LRTM3: variants seen among roughly 807,000 people sequenced by gnomAD.
LRTM3 encodes leucine-rich repeat transmembrane protein 3.
At chr13:102,740,457 A>T in the LRTM3 span, 1 of 1,550,054 alleles carries the variant, frequency 6.5e-7, no homozygotes, top group African/African-American at 1.4e-5. Flanking sequence ...TGCAGGAGAC[A>T]GGGATACTTT....
the LRTM3 span, chr13:102,731,466 T>C: frequency 6.4e-7 from 1 of 1,551,500 alleles, no homozygotes; most frequent in Non-Finnish European, 8.7e-7. Flanking sequence ...TTTTTTTCTT[T>C]GGGAGTAAAC....
chr13:102,749,835 C>T, the LRTM3 span: 17 of 1,551,156 alleles, frequency 1.1e-5, no homozygotes, highest in South Asian at 1.4e-4. Flanking sequence ...ATAACCATTC[C>T]AACAGAAGGT....
chr13:102,731,734 A>C, the LRTM3 span: 2 of 1,551,322 alleles, frequency 1.3e-6, no homozygotes. Flanking sequence ...TTTTAACTTG[A>C]GGCGGTATGG....
the LRTM3 span, among the ~76,000 whole-genome samples, chr13:102,753,514 GA>G: frequency 4.4e-3 from 613 of 138,698 alleles, 7 homozygotes; most frequent in African/African-American, 0.013. Flanking sequence ...AAAAAGAAAA[GA>G]AAAAAAAAAG....
At chr13:102,731,672 G>A in the LRTM3 span, 1 of 1,551,180 alleles carries the variant, frequency 6.4e-7, no homozygotes, top group Middle Eastern at 1.7e-4. Context: ...TTCACAAATG[G>A]GAAGTAAATG....
chr13:102,747,364 G>A, the LRTM3 span: 1 of 1,550,102 alleles, frequency 6.5e-7, no homozygotes, highest in Non-Finnish European at 8.7e-7. Flanking sequence ...TTTTCCTGTG[G>A]TTTGAAGTAC....
the LRTM3 span, chr13:102,742,593 CT>C: frequency 6.4e-7 from 1 of 1,550,480 alleles, no homozygotes; most frequent in Non-Finnish European, 8.7e-7. Context: ...TCAACTTCTG[CT>C]TCTGTCTTCT....
the LRTM3 span, chr13:102,730,586 C>T: frequency 1.2e-5 from 19 of 1,551,960 alleles, no homozygotes; most frequent in Middle Eastern, 1.7e-4. Context: ...GTGCAGATCA[C>T]GGTCAGAAGC....
At chr13:102,739,746 C>A in the LRTM3 span, 2 of 1,549,154 alleles carry the variant, frequency 1.3e-6, no homozygotes, top group Non-Finnish European at 1.7e-6. Flanking sequence ...GTACTTTTAA[C>A]ATTACTTGAG....
chr13:102,746,591 G>A, the LRTM3 span: 36 of 1,550,954 alleles, frequency 2.3e-5, no homozygotes, highest in East Asian at 8.8e-4. Flanking sequence ...CACAGCCTTT[G>A]TATTTACACA....
the LRTM3 span, chr13:102,734,938 A>G: frequency 6.4e-7 from 1 of 1,551,208 alleles, no homozygotes; most frequent in African/African-American, 1.4e-5. Flanking sequence ...AAATATCACC[A>G]GCAATTGGCC....
the LRTM3 span, chr13:102,733,011 C>T: frequency 1.3e-6 from 2 of 1,551,396 alleles, no homozygotes; most frequent in Non-Finnish European, 1.7e-6. Context: ...CCCCCTTTTG[C>T]AGGGTCAATC....
the LRTM3 span, chr13:102,748,850 A>G: frequency 6.5e-7 from 1 of 1,550,240 alleles, no homozygotes; most frequent in African/African-American, 1.4e-5. Context: ...AATGTTTTTT[A>G]GTCTTTTGTT....
chr13:102,755,093 C>T, the LRTM3 span, among the ~76,000 whole-genome samples: 12 of 152,210 alleles, frequency 7.9e-5, no homozygotes, highest in Admixed American at 2.0e-4. Context: ...CTTACTGAGA[C>T]GATACCTGGT....
At chr13:102,740,522 C>T in the LRTM3 span, 1 of 1,549,724 alleles carries the variant, frequency 6.5e-7, no homozygotes, top group Non-Finnish European at 8.7e-7. Flanking sequence ...TAGGTACTGC[C>T]ATTTTTGGCC....
At chr13:102,744,735 T>C in the LRTM3 span, 1 of 1,550,708 alleles carries the variant, frequency 6.4e-7, no homozygotes, top group African/African-American at 1.4e-5. Context: ...TGAATATTTT[T>C]ATCTTCCCTT....
chr13:102,746,981 G>T, the LRTM3 span: 1 of 1,551,160 alleles, frequency 6.4e-7, no homozygotes, highest in Non-Finnish European at 8.7e-7. Flanking sequence ...GAATGGGATT[G>T]GTTGATGCAT....
the LRTM3 span, chr13:102,740,704 G>A: frequency 1.3e-6 from 2 of 1,547,998 alleles, no homozygotes; most frequent in Non-Finnish European, 1.7e-6. Context: ...GATCTGTTTT[G>A]GAGTGAGATG....
At chr13:102,740,904 C>A in the LRTM3 span, 1 of 1,549,882 alleles carries the variant, frequency 6.5e-7, no homozygotes, top group Non-Finnish European at 8.7e-7. Context: ...GCTGGAAAAG[C>A]CTCGTGTGTA....
Sources: allele counts gnomAD v4.1 joint callset (sites outside exome capture counted in the v4.1 genomes callset), GRCh38; gene constraint gnomAD v4.1.1; transcripts MANE v1.5; gene names NCBI Gene and HGNC (gene_info 2026-07-23, HGNC 2026-07-21).